KIF24: variants seen among roughly 807,000 people sequenced by gnomAD.
KIF24 encodes kinesin-like protein KIF24.
KIF24 carries 81 observed loss-of-function variants against 118.9 expected under a neutral mutation model. The observed-to-expected ratio is 0.68, with a 90% CI of 0.57 to 0.82. KIF24 has a LOEUF of 0.82. Among genes scored for constraint, KIF24 ranks in the 40% least tolerant of loss-of-function variants. KIF24 has a pLI of 0.00. For synonymous variants in KIF24, 599 were observed against 610.0 expected (o/e 0.98, Z 0.27); for missense variants, 1,560 against 1,661.6 (o/e 0.94, Z 1.06).
intron 2 of KIF24, among the ~76,000 whole-genome samples, chr9:34,308,123 C>A (rs1354524603): frequency 6.6e-6 from 1 of 152,044 alleles, no homozygotes; most frequent in Non-Finnish European, 1.5e-5. Flanking sequence ...TGCACACCAT[C>A]ATGTCTGGCT....
In KIF24 at chr9:34,278,146, C is replaced by T. The variant is rs996317915; in HGVS notation, c.1216-6216G>A. On this transcript the variant is annotated intron_variant, in intron 6 of 12. Coordinates refer to ENST00000402558, the MANE Select transcript of KIF24 (RefSeq NM_194313.4). ...AAAATTGGCCGGGCACGGTGGCTCA[C>T]GTCTGTAATCCCAGCACTTTGGGAG... Among the ~76,000 whole-genome samples the T allele has an allele frequency of 1.1e-4, 17 of 152,090 alleles. No individual in the cohort carries two copies. The East Asian group carries it at 1.5e-3, about 14-fold the overall frequency.
chr9:34,254,333 GCA>G lies in KIF24; in HGVS notation c.*45_*46del. ...GAGGCTCCTCCAGCCTGAGAGCCCA[GCA>G]CAGACTCCTGCAGGGCCCCCACCAT... On this transcript the variant is annotated 3_prime_UTR_variant, in exon 13 of 13. Transcript: ENST00000402558. 1 of 1,557,202 alleles carries G rather than the reference GCA, an allele frequency of 6.4e-7. No individual in the cohort carries two copies. The highest frequency in any genetic ancestry group is 8.7e-7 in the Non-Finnish European group (1 of 1,154,738).
At position 34,255,846 on chromosome 9, in the gene KIF24, A is replaced by C; in HGVS notation, c.3761T>G (p.Leu1254Arg). The change falls in exon 11 of 13, where the codon CTC becomes CGC. Residue 1254 changes from leucine to arginine, a missense_variant. This residue lies in a region of KIF24 where 591 missense variants were observed against 655.6 expected (regional missense o/e 0.90). Transcript: ENST00000402558. ...LPCNSENVTW[L>R]KPRPISRCLA... ...GCACCTTGAGATCGGCCTGGGTTTGAGCCATGTGACATTTTCACTGTTGCA... is the reference window on the plus strand; with the variant it reads ...GCACCTTGAGATCGGCCTGGGTTTGCGCCATGTGACATTTTCACTGTTGCA... 1 of 1,613,958 alleles carries C rather than the reference A, an allele frequency of 6.2e-7. No homozygotes were observed. Among genetic ancestry groups the C allele is most frequent in the Non-Finnish European group, 8.5e-7 (1 of 1,179,884 alleles).
intron 6 of KIF24, among the ~76,000 whole-genome samples, chr9:34,279,929 C>T (rs933833847): frequency 3.9e-5 from 6 of 152,108 alleles, no homozygotes; most frequent in African/African-American, 1.2e-4. Context: ...GTATCAATGG[C>T]GATAATATGT....
At chr9:34,323,554 C>T (rs764172463) in intron 1 of KIF24, among the ~76,000 whole-genome samples, 34 of 152,194 alleles carry the variant, frequency 2.2e-4, no homozygotes, top group Non-Finnish European at 4.7e-4. Context: ...CTCTGACAGA[C>T]TGCAGGACGT....
In KIF24 at chr9:34,296,232, A is replaced by C. The variant is rs1187070000; in HGVS notation, c.911+785T>G. On this transcript the variant is annotated intron_variant, in intron 4 of 12. Coordinates refer to ENST00000402558, the MANE Select transcript of KIF24 (RefSeq NM_194313.4). Reference sequence around the variant, plus strand: ...AGACTCTGTCTCAAAAAAAAAAAAAAAAACATCTATGAGGCCGGGCGTGGT... The same window carrying C: ...AGACTCTGTCTCAAAAAAAAAAAAACAAACATCTATGAGGCCGGGCGTGGT... Among the ~76,000 whole-genome samples the C allele has an allele frequency of 9.0e-5, 12 of 133,722 alleles. 1 individual carries two copies. The highest frequency in any genetic ancestry group is 4.8e-5 in the Non-Finnish European group (3 of 62,722). The allele number at this position is 133,722 out of a possible 152,430, so 87.7% of individuals were successfully genotyped here.
At chr9:34,264,514 G>A (rs1165758534) in intron 8 of KIF24, among the ~76,000 whole-genome samples, 3 of 151,862 alleles carry the variant, frequency 2.0e-5, no homozygotes, top group African/African-American at 7.3e-5. Flanking sequence ...CCTCCAGAGT[G>A]TGCTATGGCT....
At chr9:34,288,418 G>T (rs922259466) in intron 5 of KIF24, among the ~76,000 whole-genome samples, 1 of 151,866 alleles carries the variant, frequency 6.6e-6, no homozygotes, top group Non-Finnish European at 1.5e-5. Context: ...AGCCCAGGAG[G>T]ATGAAGCTGC....
At chr9:34,328,614 G>A (rs972587390) in intron 1 of KIF24, among the ~76,000 whole-genome samples, 2 of 152,240 alleles carry the variant, frequency 1.3e-5, no homozygotes, top group Non-Finnish European at 2.9e-5. Context: ...GGCAGGGCAT[G>A]AAGAGGAATC....
At chr9:34,301,991 T>TTTTC (rs78903194) in intron 3 of KIF24, among the ~76,000 whole-genome samples, 63,240 of 142,470 alleles carry the variant, frequency 0.44, 17,080 homozygotes, top group South Asian at 0.63. Context: ...ATATGTATTT[T>TTTTC]TTTTTCTTTT....
intron 1 of KIF24, among the ~76,000 whole-genome samples, chr9:34,315,138 T>A (rs1267830937): frequency 1.3e-5 from 2 of 152,206 alleles, no homozygotes; most frequent in Non-Finnish European, 2.9e-5. Context: ...GGTGTCTCTA[T>A]CACCCAGGGC....
chr9:34,279,602 GAAGGACAATCCCATTTGAAT>G (rs1017809145), intron 6 of KIF24, among the ~76,000 whole-genome samples: 10 of 152,246 alleles, frequency 6.6e-5, no homozygotes, highest in African/African-American at 2.4e-4. Context: ...CTTCCTGGAG[GAAGGACAATCCCATTTGAAT>G]AATGAAGCTA....
chr9:34,254,575 G>A, intron 12 of KIF24, 55 bp from the exon 13 acceptor site: 1 of 1,568,828 alleles, frequency 6.4e-7, no homozygotes, highest in Admixed American at 1.8e-5. Flanking sequence ...CGCTCTGCCA[G>A]ATCTGCTTTT....
intron 1 of KIF24, among the ~76,000 whole-genome samples, chr9:34,320,174 T>A (rs1837466796): frequency 6.6e-6 from 1 of 152,050 alleles, no homozygotes; most frequent in South Asian, 2.1e-4. Context: ...AGGACAGGCT[T>A]CTGGGCAGAC....
intron 4 of KIF24, among the ~76,000 whole-genome samples, chr9:34,294,826 T>C (rs1469320153): frequency 6.6e-6 from 1 of 152,176 alleles, no homozygotes; most frequent in Non-Finnish European, 1.5e-5. Flanking sequence ...AGTAAGTCAG[T>C]GGTTACCTAA....
At chr9:34,328,128 C>T (rs1352780467) in intron 1 of KIF24, among the ~76,000 whole-genome samples, 2 of 152,066 alleles carry the variant, frequency 1.3e-5, no homozygotes, top group Admixed American at 6.5e-5. Context: ...GAGTTAACAA[C>T]GAAACAGTCT....
chr9:34,325,806 T>C (rs1446019547), intron 1 of KIF24, among the ~76,000 whole-genome samples: 2 of 152,228 alleles, frequency 1.3e-5, no homozygotes, highest in Non-Finnish European at 2.9e-5. Flanking sequence ...TGATATCGTT[T>C]GTGGTAACGG....
At chr9:34,315,192 CTG>C (rs1287679628) in intron 1 of KIF24, among the ~76,000 whole-genome samples, 1 of 151,882 alleles carries the variant, frequency 6.6e-6, no homozygotes, top group Non-Finnish European at 1.5e-5. Context: ...AACTATGTGA[CTG>C]TATTATTTAT....
At chr9:34,291,151 C>G (rs1475268868) in intron 4 of KIF24, among the ~76,000 whole-genome samples, 1 of 152,112 alleles carries the variant, frequency 6.6e-6, no homozygotes, top group African/African-American at 2.4e-5. Flanking sequence ...AGTGACCACT[C>G]ATAATTAAGG....
Sources: gnomAD v4.1 joint callset for allele counts (sites outside exome capture counted in the v4.1 genomes callset) on GRCh38, gnomAD v4.1.1 for gene constraint, gnomAD v4.1.1 regional missense constraint, MANE v1.5 for transcripts, NCBI Gene and HGNC (gene_info 2026-07-23, HGNC 2026-07-21) for gene names.